CEP63: variants seen among roughly 807,000 people sequenced by gnomAD.
The protein encoded by CEP63 is centrosomal protein of 63 kDa.
In CEP63, 84 loss-of-function variants were observed where a neutral mutation model predicts 89.1. That is an observed-to-expected ratio of 0.94 (90% CI 0.79 to 1.13). CEP63 has a LOEUF of 1.13. Ranked by LOEUF, CEP63 falls within the 50% of genes most tolerant of loss-of-function variation. The probability of loss-of-function intolerance (pLI) is 0.00; values close to 1 mark genes in which losing one functional copy is unlikely to be tolerated. For missense variants in CEP63, 838 were observed against 813.3 expected (o/e 1.03, Z -0.37); for synonymous variants, 267 against 272.5 (o/e 0.98, Z 0.20).
At chr3:134,525,579 G>T (rs564187052) in intron 3 of CEP63, among the ~76,000 whole-genome samples, 1 of 152,132 alleles carries the variant, frequency 6.6e-6, no homozygotes, top group Non-Finnish European at 1.5e-5. Context: ...GATGTTAGCT[G>T]GTTATTTTGC....
At chr3:134,781,984 C>G in the CEP63 span, among the ~76,000 whole-genome samples, 1 of 152,186 alleles carries the variant, frequency 6.6e-6, no homozygotes, top group Non-Finnish European at 1.5e-5. Flanking sequence ...AAAGAGAATG[C>G]GTCCGATGTT....
intron 3 of CEP63, among the ~76,000 whole-genome samples, chr3:134,512,566 A>C (rs538658286): frequency 3.3e-5 from 5 of 152,346 alleles, no homozygotes; most frequent in South Asian, 2.1e-4. Flanking sequence ...CATAAGAAAA[A>C]ATAGTAATCT....
intron 3 of CEP63, among the ~76,000 whole-genome samples, chr3:134,508,675 G>A (rs1463675783): frequency 6.6e-6 from 1 of 152,164 alleles, no homozygotes; most frequent in Non-Finnish European, 1.5e-5. Context: ...CACGGGCATT[G>A]TTGCCGTTAC....
the CEP63 span, among the ~76,000 whole-genome samples, chr3:134,669,151 G>A: frequency 2.8e-4 from 43 of 152,076 alleles, no homozygotes; most frequent in Middle Eastern, 3.4e-3. Flanking sequence ...TCAGCCTCTC[G>A]AGTAGCTGGG....
chr3:134,754,647 T>C, the CEP63 span, among the ~76,000 whole-genome samples: 1 of 152,184 alleles, frequency 6.6e-6, no homozygotes, highest in Non-Finnish European at 1.5e-5. Context: ...ACTCAGAAGT[T>C]GGGAGTGTGT....
intron 3 of CEP63, among the ~76,000 whole-genome samples, chr3:134,524,841 T>A (rs1024582818): frequency 1.3e-5 from 2 of 152,178 alleles, no homozygotes; most frequent in African/African-American, 4.8e-5. Flanking sequence ...CCTGAAGTTC[T>A]CTTTTTTTGT....
intron 6 of CEP63, among the ~76,000 whole-genome samples, chr3:134,544,389 A>G (rs1391582756): frequency 6.6e-6 from 1 of 152,192 alleles, no homozygotes. Flanking sequence ...AGTAGTCAGT[A>G]AACGTATCAT....
chr3:134,541,260 T>C (rs565068747), intron 6 of CEP63, among the ~76,000 whole-genome samples: 1 of 152,328 alleles, frequency 6.6e-6, no homozygotes, highest in South Asian at 2.1e-4. Flanking sequence ...CTTAATTCTA[T>C]CAATTTTTTG....
At chr3:134,746,072 C>A in the CEP63 span, among the ~76,000 whole-genome samples, 1 of 151,824 alleles carries the variant, frequency 6.6e-6, no homozygotes, top group African/African-American at 2.4e-5. Flanking sequence ...TCCACCACCC[C>A]CCCCACCCCA....
chr3:134,772,270 C>T, the CEP63 span, among the ~76,000 whole-genome samples: 3 of 41,528 alleles, frequency 7.2e-5, no homozygotes, highest in Admixed American at 2.1e-4. Context: ...TGCCAGACAC[C>T]CCGTGCAGCT....
chr3:134,544,762 A>G (rs1398474121), intron 6 of CEP63, among the ~76,000 whole-genome samples: 3 of 152,110 alleles, frequency 2.0e-5, no homozygotes, highest in Non-Finnish European at 4.4e-5. Context: ...AATTCCAGCC[A>G]GGTTGCGGTT....
chr3:134,585,367 C>T (rs1450420562), intron 10 of CEP63, among the ~76,000 whole-genome samples: 1 of 152,104 alleles, frequency 6.6e-6, no homozygotes, highest in African/African-American at 2.4e-5. Flanking sequence ...GAATGTGTCC[C>T]AGAGATTCTG....
intron 3 of CEP63, among the ~76,000 whole-genome samples, chr3:134,528,704 A>C (rs1397087437): frequency 6.6e-6 from 1 of 152,114 alleles, no homozygotes; most frequent in Non-Finnish European, 1.5e-5. Flanking sequence ...CAGTGTAGAC[A>C]TGAGTCTCCT....
In CEP63 at chr3:134,545,714, G is replaced by A; in HGVS notation, c.684G>A (p.Glu228=). 2 of 1,614,104 alleles carry A rather than the reference G, an allele frequency of 1.2e-6. No individual in the cohort carries two copies. Among genetic ancestry groups the A allele is most frequent in the South Asian group, 1.1e-5 (1 of 91,084 alleles). The change falls in exon 7 of 15, where the codon GAG becomes GAA. Residue 228 remains glutamate, a synonymous_variant. Coordinates refer to ENST00000675561, the MANE Select transcript of CEP63 (RefSeq NM_001353108.3). ...TCTGTGCCAATGAGTTGGAAATAGAGCGCCTCACCATGAGGGTCAATGACT... is the reference window on the plus strand; with the variant it reads ...TCTGTGCCAATGAGTTGGAAATAGAACGCCTCACCATGAGGGTCAATGACT... ...DTICANELEI[E]RLTMRVNDLV... is the part of the protein sequence containing the mutation.
the CEP63 span, among the ~76,000 whole-genome samples, chr3:134,722,306 C>CTA: frequency 6.8e-5 from 10 of 147,026 alleles, no homozygotes; most frequent in African/African-American, 2.3e-4. Context: ...TTCTCCTATA[C>CTA]TGTATATATA....
the CEP63 span, among the ~76,000 whole-genome samples, chr3:134,777,388 C>A: frequency 6.6e-6 from 1 of 151,878 alleles, no homozygotes; most frequent in Non-Finnish European, 1.5e-5. Context: ...AGAAAATGAT[C>A]TTTTTTTTCA....
chr3:134,734,745 G>C, the CEP63 span, among the ~76,000 whole-genome samples: 1 of 152,118 alleles, frequency 6.6e-6, no homozygotes, highest in Admixed American at 6.6e-5. Context: ...CTATAAAGTT[G>C]CCGTAAACAC....
chr3:134,639,054 T>TTG, the CEP63 span, among the ~76,000 whole-genome samples: 1 of 149,604 alleles, frequency 6.7e-6, no homozygotes, highest in African/African-American at 2.5e-5. Flanking sequence ...AGCCTTTTTT[T>TTG]TTTTTCTACT....
At chr3:134,737,192 A>T in the CEP63 span, among the ~76,000 whole-genome samples, 1 of 152,250 alleles carries the variant, frequency 6.6e-6, no homozygotes. Flanking sequence ...AAACACATTC[A>T]ATATTTTAGA....
Sources: gnomAD v4.1 joint callset for allele counts (sites outside exome capture counted in the v4.1 genomes callset) on GRCh38, gnomAD v4.1.1 for gene constraint, MANE v1.5 for transcripts, NCBI Gene and HGNC (gene_info 2026-07-23, HGNC 2026-07-21) for gene names.